Variants in BCAN observed in about 807,000 individuals in gnomAD.
BCAN encodes the protein brevican core protein.
BCAN carries 51 observed loss-of-function variants against 92.4 expected under a neutral mutation model. That is an observed-to-expected ratio of 0.55 (90% CI 0.44 to 0.70). The LOEUF is 0.70. BCAN is among the 30% of genes least tolerant of loss of function. The pLI, the probability that BCAN is intolerant of heterozygous loss-of-function variation, is 0.00. For missense variants in BCAN, 1,140 were observed against 1,212.1 expected, an observed-to-expected ratio of 0.94 and a Z score of 0.88; for synonymous variants, 501 against 505.2, an observed-to-expected ratio of 0.99 and a Z score of 0.11.
In BCAN at chr1:156,652,697, G is replaced by A. The variant is rs771345270; in HGVS notation, c.1747G>A (p.Glu583Lys). ...ATCTGGGGTCCCTCGAGGAGAGAGC[G>A]AGGAGACAGGAAGCTCCGAGGGTGC... Reference protein sequence around the residue: ...ELSGVPRGESEETGSSEGAPS... With the variant: ...ELSGVPRGESKETGSSEGAPS... The change falls in exon 8 of 14, where the codon GAG (glutamate) becomes AAG (lysine). Residue 583 changes from glutamate to lysine, a missense_variant. This residue lies in a region of BCAN where 825 missense variants were observed against 871.8 expected (regional missense o/e 0.95). Transcript: ENST00000329117. 1.2e-5 allele frequency: 20 copies of A among 1,607,624 alleles called. No homozygotes were observed. The highest frequency in any genetic ancestry group is 1.4e-5 in the Non-Finnish European group (17 of 1,175,858).
Position 156,647,964 on chromosome 1 carries a change from T to G in BCAN, c.642-19T>G. ...TGGTGAAAGCATCTGTACTAAGTGA[T>G]TCTGTCCTTCCTCCCTAGGTATCCC... On this transcript the variant is annotated intron_variant, in intron 4 of 13. Transcript: ENST00000329117. This position sits in a 1 kb window ranked among gnomAD's most constrained non-coding sequence, Gnocchi z 4.8. The G allele has an allele frequency of 6.2e-7, 1 of 1,612,136 alleles. No individual in the cohort carries two copies. Among genetic ancestry groups the G allele is most frequent in the Non-Finnish European group, 8.5e-7 (1 of 1,178,394 alleles).
chr1:156,646,001 A>G, intron 1 of BCAN, 46 bp from the exon 2 acceptor site: 1 of 1,540,084 alleles, frequency 6.5e-7, no homozygotes, highest in South Asian at 1.2e-5. Flanking sequence ...GGGGAAGTCC[A>G]TCCTGAAGTC....
intron 6 of BCAN, 134 bp downstream of exon 6, chr1:156,648,995 G>C: frequency 9.2e-7 from 1 of 1,083,964 alleles, no homozygotes; most frequent in Non-Finnish European, 1.3e-6. Flanking sequence ...GTGAAGTCCA[G>C]CTTGTCATCT....
At chr1:156,657,881 CCT>C in intron 11 of BCAN, 124 bp downstream of exon 11, 1 of 886,418 alleles carries the variant, frequency 1.1e-6, no homozygotes, top group Non-Finnish European at 1.7e-6. Flanking sequence ...TTTCTCGTGC[CCT>C]GTGCCTCTTC....
rs377573150 is a variant in BCAN at position 156,658,626 on chromosome 1, C to A, written c.2521C>A (p.Arg841Ser). 97 of 1,614,038 alleles carry A rather than the reference C, an allele frequency of 6.0e-5. 1 individual carries two copies. The highest frequency in any genetic ancestry group is 7.9e-5 in the Non-Finnish European group (93 of 1,180,066). The change falls in exon 13 of 14, where the codon CGC (arginine) becomes AGC (serine). Residue 841 changes from arginine to serine, a missense_variant. Coordinates refer to ENST00000329117, the MANE Select transcript of BCAN (RefSeq NM_021948.5). This position sits in a 1 kb window ranked among gnomAD's most constrained non-coding sequence, Gnocchi z 4.4. Reference protein sequence around the residue: ...RLRYEVDTVLRYRCREGLAQR... With the variant: ...RLRYEVDTVLSYRCREGLAQR... ...GCGCTATGAGGTGGACACTGTGCTT[C>A]GCTACCGGTGCCGGGAAGGACTGGC...
chr1:156,649,901 T>C (rs1161613146), intron 6 of BCAN: 1 of 518,792 alleles, frequency 1.9e-6, no homozygotes, highest in Non-Finnish European at 3.8e-6. Flanking sequence ...GCCTTGAACC[T>C]CAGGGAGCAC....
At chr1:156,657,370 A>C in intron 10 of BCAN, 1 of 561,944 alleles carries the variant, frequency 1.8e-6, no homozygotes, top group Non-Finnish European at 3.1e-6. Context: ...CAATCCCTCC[A>C]ACCTCCCTGC....
chr1:156,649,642 A>G (rs773226444), intron 6 of BCAN, among the ~76,000 whole-genome samples: 60 of 152,154 alleles, frequency 3.9e-4, no homozygotes, highest in Non-Finnish European at 6.5e-4. Flanking sequence ...AGCTCAAGCA[A>G]TCTACCTATC....
Position 156,647,087 on chromosome 1 carries a change from G to C in BCAN, c.378G>C (p.Glu126Asp). ...CCGACGTCTCCCTGGCGCTGAGCGA[G>C]CTGCGCCCCAACGACTCAGGTATCT... ...SLTDVSLALS[E>D]LRPNDSGIYR... The change falls in exon 3 of 14, where the codon GAG becomes GAC. Residue 126 changes from glutamate to aspartate, a missense_variant. Physicochemically the swap from Glu to Asp is conservative, Grantham distance 45. This residue lies in a region of BCAN where 286 missense variants were observed against 284.1 expected (regional missense o/e 1.01). Transcript: ENST00000329117. The surrounding 1 kb of genome is among the most constrained non-coding windows in gnomAD (Gnocchi z 4.8). 6.2e-7 allele frequency: 1 copy of C among 1,608,698 alleles called. No homozygotes were observed. Among genetic ancestry groups the C allele is most frequent in the Non-Finnish European group, 8.5e-7 (1 of 1,176,104 alleles).
chr1:156,648,208 A>G (rs1362188444), intron 5 of BCAN, 98 bp downstream of exon 5: 3 of 1,482,252 alleles, frequency 2.0e-6, no homozygotes, highest in East Asian at 4.6e-5. Context: ...ATCCCTCCTG[A>G]GTTTAAGGGG....
At chr1:156,656,714 C>T in intron 9 of BCAN, 1 of 600,506 alleles carries the variant, frequency 1.7e-6, no homozygotes, top group Non-Finnish European at 2.8e-6. Context: ...CTCCATCCCT[C>T]ACCCTGGTTC....
chr1:156,657,471 G>A lies in BCAN; in HGVS notation c.2210-204G>A, dbSNP rs1216652118. 7.1e-6 allele frequency: 4 copies of A among 560,258 alleles called. No homozygotes were observed. In the South Asian group the frequency reaches 7.3e-5, roughly 10 times the overall value. 34.7% of individuals were successfully genotyped at this position (560,258 alleles called of 1,614,324 possible). On this transcript the variant is annotated intron_variant, in intron 10 of 13. Transcript: ENST00000329117. ...CCAAAACTCCCCTTTTCTAGCCTGG[G>A]TTGATATCTTCCTTATTCTCCCACC...
Position 156,642,160 on chromosome 1 carries a change from GCA to G in BCAN, c.-123_-122del, listed in dbSNP as rs1678800621. ...GGCCCCAGCCTCTCCTCACGCTCGC[GCA>G]GTCTCCGCCGCAGTCTCAGCTGCAG... On this transcript the variant is annotated 5_prime_UTR_variant, in exon 1 of 14. The change creates a premature stop within an existing upstream ORF in the 5' untranslated region. Transcript: ENST00000329117. The surrounding 1 kb of genome is among the most constrained non-coding windows in gnomAD (Gnocchi z 4.2). 1 of 152,282 alleles carries G rather than the reference GCA, an allele frequency of 6.6e-6. No individual in the cohort carries two copies. Among genetic ancestry groups the G allele is most frequent in the Non-Finnish European group, 1.5e-5 (1 of 68,122 alleles). 9.4% of individuals were successfully genotyped at this position (152,282 alleles called of 1,614,324 possible). A position where few individuals can be genotyped will look rare whatever the true frequency, so the allele number is the denominator to read the frequency against.
intron 9 of BCAN, 106 bp from the exon 10 acceptor site, chr1:156,656,832 G>T: frequency 2.0e-6 from 3 of 1,482,062 alleles, no homozygotes; most frequent in Non-Finnish European, 2.7e-6. Flanking sequence ...GTCCCCCTTA[G>T]TCCCGCCCCT....
intron 1 of BCAN, among the ~76,000 whole-genome samples, chr1:156,645,661 G>A (rs929740644): frequency 5.3e-5 from 8 of 152,202 alleles, no homozygotes; most frequent in Non-Finnish European, 1.0e-4. Flanking sequence ...CATTCATGCT[G>A]TAAACTGAGC....
rs769901265 is a variant in BCAN, at chr1:156,657,082, AG to A, written c.2197del (p.Asp733ThrfsTer123). ...GCCAGCATCAGCACACCCGAGGAAC[AG>A]GACTTCATCAACAGTGGGCTGGGAG... ...HLASISTPEEQDFINNRYREY... is the reference protein window; with the variant it reads ...HLASISTPEEXDFINNRYREY... On this transcript the variant is annotated frameshift_variant, in exon 10 of 14. Transcript: ENST00000329117. LOFTEE classifies it high-confidence loss of function. The A allele has an allele frequency of 9.9e-6, 16 of 1,613,254 alleles. No homozygotes were observed. The highest frequency in any genetic ancestry group is 1.4e-5 in the Non-Finnish European group (16 of 1,179,298).
In BCAN at chr1:156,652,831, C is replaced by T. The variant is rs768226430; in HGVS notation, c.1881C>T (p.Ala627=). The T allele has an allele frequency of 5.0e-6, 8 of 1,613,824 alleles. No individual in the cohort carries two copies. Among genetic ancestry groups the T allele is most frequent in the Non-Finnish European group, 6.8e-6 (8 of 1,180,018 alleles). The change falls in exon 8 of 14, where the codon GCC becomes GCT. Residue 627 remains alanine, a synonymous_variant. Coordinates refer to ENST00000329117, the MANE Select transcript of BCAN (RefSeq NM_021948.5). Reference sequence around the variant, plus strand: ...CCCCAGCAGGGACCTCAGTGCAGGCCCAGCCAGTGCTGCCCACTGACAGCG... The same window carrying T: ...CCCCAGCAGGGACCTCAGTGCAGGCTCAGCCAGTGCTGCCCACTGACAGCG... ...RTAPAGTSVQ[A]QPVLPTDSAS... is the part of the protein sequence containing the mutation.
intron 2 of BCAN, 27 bp downstream of exon 2, chr1:156,646,172 T>C: frequency 6.2e-7 from 1 of 1,603,810 alleles, no homozygotes; most frequent in Non-Finnish European, 8.5e-7. Flanking sequence ...GGGGTCACCG[T>C]CTCTGTCTTG....
chr1:156,656,908 C>A, intron 9 of BCAN, 30 bp from the exon 10 acceptor site: 1 of 1,604,996 alleles, frequency 6.2e-7, no homozygotes. Context: ...GGTTTTGGGG[C>A]CCTAAGATGC....
Sources: gnomAD v4.1 joint callset for allele counts (sites outside exome capture counted in the v4.1 genomes callset) on GRCh38, gnomAD v4.1.1 for gene constraint, gnomAD v4.1.1 regional missense constraint, Gnocchi (gnomAD v3.1) non-coding constraint, MANE v1.5 for transcripts, NCBI Gene and HGNC (gene_info 2026-07-23, HGNC 2026-07-21) for gene names.